LRRC7: variants seen among roughly 807,000 people sequenced by gnomAD.
The protein encoded by LRRC7 is leucine-rich repeat-containing protein 7.
A neutral mutation model predicts 175.7 loss-of-function variants in LRRC7; 23 were observed. The ratio of observed to expected loss-of-function variants is 0.13; its 90% CI spans 0.09 to 0.19. LRRC7 has a LOEUF of 0.19. Among genes scored for constraint, LRRC7 ranks in the 10% least tolerant of loss-of-function variants. The pLI is 1.00. For synonymous variants in LRRC7, 685 were observed against 680.9 expected (o/e 1.01, Z -0.09); for missense variants, 1,354 against 1,904.7 (o/e 0.71, Z 5.38).
rs576611132 is a variant in LRRC7, at chr1:70,137,428, T to A, written c.*15541T>A. On this transcript the variant is annotated 3_prime_UTR_variant, in exon 27 of 27. Transcript: ENST00000651989. ...GTGACCCTTGAAAGCTTTAAAATAA[T>A]TCTTTTGTGTTTTAGACACCTAAGA... 1.1e-3 allele frequency among the ~76,000 whole-genome samples: 171 copies of A among 152,326 alleles called. No homozygotes were observed. The highest frequency in any genetic ancestry group is 4.1e-3 in the African/African-American group (169 of 41,578).
At chr1:69,766,693 A>G (rs1280092310) in intron 3 of LRRC7, among the ~76,000 whole-genome samples, 8 of 152,178 alleles carry the variant, frequency 5.3e-5, no homozygotes, top group African/African-American at 1.9e-4. Context: ...TGAAAAATCC[A>G]GCAAACTGTG....
chr1:70,120,813 T>C (rs1037105695), intron 26 of LRRC7, among the ~76,000 whole-genome samples: 6 of 152,044 alleles, frequency 3.9e-5, no homozygotes, highest in African/African-American at 1.4e-4. Flanking sequence ...AAGAAAGCAA[T>C]TACATAACCA....
intron 7 of LRRC7, among the ~76,000 whole-genome samples, chr1:69,904,853 T>C (rs965303328): frequency 6.6e-6 from 1 of 152,114 alleles, no homozygotes; most frequent in African/African-American, 2.4e-5. Context: ...GGCCCTGGCG[T>C]CTGTTTCCTT....
intron 24 of LRRC7, among the ~76,000 whole-genome samples, chr1:70,086,953 G>A (rs796794849): frequency 2.6e-4 from 40 of 152,094 alleles, no homozygotes; most frequent in African/African-American, 9.4e-4. Context: ...CTACTTATAT[G>A]TGAGAGGAAT....
intron 25 of LRRC7, among the ~76,000 whole-genome samples, chr1:70,105,356 A>T (rs749394015): frequency 1.3e-5 from 2 of 152,148 alleles, no homozygotes; most frequent in African/African-American, 2.4e-5. Flanking sequence ...TTATTTTCTT[A>T]ATCTTATAAG....
chr1:69,592,146 G>T (rs747241423), intron 1 of LRRC7, among the ~76,000 whole-genome samples: 10 of 151,736 alleles, frequency 6.6e-5, no homozygotes, highest in Non-Finnish European at 1.2e-4. Flanking sequence ...TAACTCTCTC[G>T]TTTTATCTTT....
intron 2 of LRRC7, among the ~76,000 whole-genome samples, chr1:69,724,362 T>C (rs1322366465): frequency 2.0e-5 from 3 of 152,100 alleles, no homozygotes; most frequent in Non-Finnish European, 4.4e-5. Flanking sequence ...TGAAAACCTA[T>C]GTCTTTGTGA....
At chr1:70,096,333 G>A (rs1446239517) in intron 25 of LRRC7, among the ~76,000 whole-genome samples, 1 of 152,124 alleles carries the variant, frequency 6.6e-6, no homozygotes, top group Non-Finnish European at 1.5e-5. Context: ...GTTTTACATA[G>A]TCTAAGTATC....
intron 3 of LRRC7, among the ~76,000 whole-genome samples, chr1:69,765,253 A>G (rs916186361): frequency 4.6e-5 from 7 of 152,274 alleles, no homozygotes; most frequent in Admixed American, 3.3e-4. Context: ...CTTAGGCCAC[A>G]TGGCATGTTA....
At chr1:69,774,611 A>T (rs753915680) in intron 3 of LRRC7, among the ~76,000 whole-genome samples, 1 of 152,190 alleles carries the variant, frequency 6.6e-6, no homozygotes, top group African/African-American at 2.4e-5. Flanking sequence ...TTTGCTATCT[A>T]TGTGTATTCT....
chr1:69,620,380 A>G (rs1020187896), intron 1 of LRRC7, among the ~76,000 whole-genome samples: 2 of 152,196 alleles, frequency 1.3e-5, no homozygotes, highest in African/African-American at 2.4e-5. Context: ...ATTTTTAAAC[A>G]TATATAAAAA....
chr1:69,813,465 T>C (rs1337883131), intron 4 of LRRC7, among the ~76,000 whole-genome samples: 1 of 152,160 alleles, frequency 6.6e-6, no homozygotes, highest in Non-Finnish European at 1.5e-5. Context: ...ATATCTTCTC[T>C]GGCTTTAAAC....
intron 7 of LRRC7, among the ~76,000 whole-genome samples, chr1:69,848,677 G>A (rs757631706): frequency 6.6e-6 from 1 of 151,954 alleles, no homozygotes; most frequent in Non-Finnish European, 1.5e-5. Flanking sequence ...TCAAGTCAGG[G>A]TTATTTCAGG....
intron 11 of LRRC7, among the ~76,000 whole-genome samples, chr1:70,003,027 T>C (rs1272013171): frequency 3.3e-5 from 5 of 152,184 alleles, no homozygotes; most frequent in Non-Finnish European, 7.3e-5. Context: ...GATGTTTACT[T>C]CTCACAGTTG....
At chr1:69,752,498 C>G (rs1025085220) in intron 2 of LRRC7, among the ~76,000 whole-genome samples, 2 of 152,088 alleles carry the variant, frequency 1.3e-5, no homozygotes, top group African/African-American at 2.4e-5. Flanking sequence ...GTTCTTAATA[C>G]ATATATTGTC....
chr1:69,789,067 T>A (rs527772881), intron 3 of LRRC7, among the ~76,000 whole-genome samples: 1 of 152,284 alleles, frequency 6.6e-6, no homozygotes, highest in East Asian at 1.9e-4. Flanking sequence ...TGTATTTTTA[T>A]TTTCAACTTT....
chr1:69,673,628 C>G (rs1448364711), intron 1 of LRRC7, among the ~76,000 whole-genome samples: 1 of 152,076 alleles, frequency 6.6e-6, no homozygotes, highest in African/African-American at 2.4e-5. Context: ...TGAAAGAGTT[C>G]AAGTAACCAG....
At chr1:69,912,221 A>G (rs1913270) in intron 7 of LRRC7, among the ~76,000 whole-genome samples, 84,314 of 151,860 alleles carry the variant, frequency 0.56, 23,477 homozygotes, top group East Asian at 0.7. Flanking sequence ...CTTTTTCAAT[A>G]AAATATAGCC....
rs946808246 is a variant in LRRC7, at chr1:70,134,290, G to A, written c.*12403G>A. Among the ~76,000 whole-genome samples the A allele has an allele frequency of 2.6e-5, 4 of 152,138 alleles. No individual in the cohort carries two copies. Among genetic ancestry groups the A allele is most frequent in the Admixed American group, 6.5e-5 (1 of 15,268 alleles). ...GTGCTGAAGGCAGAGAACCCCTGGC[G>A]GCCTTGGTGACATGTGTCCTCAAGC... On this transcript the variant is annotated 3_prime_UTR_variant, in exon 27 of 27. Coordinates refer to ENST00000651989, the MANE Select transcript of LRRC7 (RefSeq NM_001370785.2).
Sources: allele counts gnomAD v4.1 joint callset (sites outside exome capture counted in the v4.1 genomes callset), GRCh38; gene constraint gnomAD v4.1.1; transcripts MANE v1.5; gene names NCBI Gene and HGNC (gene_info 2026-07-23, HGNC 2026-07-21).